IGF2BP2: variants seen among roughly 807,000 people sequenced by gnomAD.
The protein encoded by IGF2BP2 is insulin like growth factor 2 mRNA binding protein 2, also known as insulin-like growth factor 2 mRNA-binding protein 2.
A neutral mutation model predicts 75.8 loss-of-function variants in IGF2BP2; 17 were observed. The ratio of observed to expected loss-of-function variants is 0.22; its 90% CI spans 0.15 to 0.34. The LOEUF is 0.34. Ranked by LOEUF, IGF2BP2 falls within the 10% of genes least tolerant of loss-of-function variation. The pLI, the probability that IGF2BP2 is intolerant of heterozygous loss-of-function variation, is 1.00. For synonymous variants in IGF2BP2, 288 were observed against 295.6 expected, an observed-to-expected ratio of 0.97 and a Z score of 0.26; for missense variants, 516 against 772.4, an observed-to-expected ratio of 0.67 and a Z score of 3.93.
At chr3:185,672,499 T>C (rs1718668622) in intron 10 of IGF2BP2, 42 bp downstream of exon 10, 1 of 1,586,010 alleles carries the variant, frequency 6.3e-7, no homozygotes, top group East Asian at 2.3e-5. Context: ...TGCCTGGAGG[T>C]GCCCAGCGCA....
At chr3:185,811,614 T>C (rs1289244512) in intron 2 of IGF2BP2, among the ~76,000 whole-genome samples, 2 of 152,200 alleles carry the variant, frequency 1.3e-5, no homozygotes, top group African/African-American at 4.8e-5. Flanking sequence ...ATGGCAGCAG[T>C]TGGCTGGAGC....
intron 2 of IGF2BP2, among the ~76,000 whole-genome samples, chr3:185,795,224 T>G (rs1737203729): frequency 6.6e-6 from 1 of 152,192 alleles, no homozygotes; most frequent in Non-Finnish European, 1.5e-5. Flanking sequence ...AGTGGGATCA[T>G]ATAGTGCTTA....
intron 2 of IGF2BP2, among the ~76,000 whole-genome samples, chr3:185,796,105 G>T (rs1156342270): frequency 6.6e-6 from 1 of 152,186 alleles, no homozygotes; most frequent in East Asian, 1.9e-4. Flanking sequence ...GGGGAGAGTG[G>T]AATAGATAAT....
intron 2 of IGF2BP2, among the ~76,000 whole-genome samples, chr3:185,766,034 A>C (rs1732996318): frequency 6.6e-6 from 1 of 152,192 alleles, no homozygotes; most frequent in African/African-American, 2.4e-5. Context: ...TTCCAAAACC[A>C]AAGGCACACA....
chr3:185,672,006 A>C (rs1262542920), intron 10 of IGF2BP2, among the ~76,000 whole-genome samples: 2 of 152,246 alleles, frequency 1.3e-5, no homozygotes, highest in African/African-American at 4.8e-5. Context: ...GTTGTGAACA[A>C]ATACTTATTG....
chr3:185,760,051 A>C (rs959470767), intron 2 of IGF2BP2, among the ~76,000 whole-genome samples: 1 of 152,226 alleles, frequency 6.6e-6, no homozygotes, highest in South Asian at 2.1e-4. Flanking sequence ...AAATCACAAT[A>C]CCATTACCAA....
chr3:185,739,840 TCCCTCCCCCCCACCCC>T (rs1386659652), intron 2 of IGF2BP2, among the ~76,000 whole-genome samples: 15 of 101,098 alleles, frequency 1.5e-4, no homozygotes, highest in South Asian at 3.9e-4. Context: ...GTCCTTTTTT[TCCCTCCCCCCCACCCC>T]CCCTACCCCC....
intron 2 of IGF2BP2, among the ~76,000 whole-genome samples, chr3:185,720,038 C>T (rs1262453071): frequency 6.6e-6 from 1 of 152,130 alleles, no homozygotes; most frequent in Non-Finnish European, 1.5e-5. Flanking sequence ...AAAGTGAAAT[C>T]CCCCGGAAAG....
intron 2 of IGF2BP2, among the ~76,000 whole-genome samples, chr3:185,751,046 G>A (rs549437220): frequency 7.3e-5 from 11 of 151,654 alleles, no homozygotes; most frequent in Admixed American, 2.0e-4. Context: ...GTGAAACCTC[G>A]TCTCTATTAA....
chr3:185,788,118 A>G (rs1018806975), intron 2 of IGF2BP2, among the ~76,000 whole-genome samples: 5 of 152,200 alleles, frequency 3.3e-5, no homozygotes, highest in African/African-American at 1.2e-4. Context: ...AAATGTGAAA[A>G]AAGTGTTTAC....
At position 185,712,283 on chromosome 3, in the gene IGF2BP2, T is replaced by C. The variant is rs115060007; in HGVS notation, c.240-13936A>G. On this transcript the variant is annotated intron_variant, in intron 2 of 15. Transcript: ENST00000382199. Reference sequence around the variant, plus strand: ...AAAATTTGCAATAATCAATCATAAATACTTATGAAAATGCAAACATTTTTA... The same window carrying C: ...AAAATTTGCAATAATCAATCATAAACACTTATGAAAATGCAAACATTTTTA... 9.8e-3 allele frequency among the ~76,000 whole-genome samples: 1,487 copies of C among 152,280 alleles called. 10 individuals are homozygous for C. Among genetic ancestry groups the C allele is most frequent in the Middle Eastern group, 0.02 (6 of 294 alleles).
intron 2 of IGF2BP2, among the ~76,000 whole-genome samples, chr3:185,699,536 C>T (rs1723017768): frequency 6.6e-6 from 1 of 152,198 alleles, no homozygotes; most frequent in Non-Finnish European, 1.5e-5. Flanking sequence ...TCTCACCACC[C>T]CCTCTTTCAC....
At chr3:185,673,350 G>A (rs1208808739) in intron 9 of IGF2BP2, among the ~76,000 whole-genome samples, 1 of 152,202 alleles carries the variant, frequency 6.6e-6, no homozygotes, top group Non-Finnish European at 1.5e-5. Flanking sequence ...AAAACAAATT[G>A]GATTAACAGT....
chr3:185,790,254 C>T (rs1327144904), intron 2 of IGF2BP2, among the ~76,000 whole-genome samples: 1 of 148,132 alleles, frequency 6.8e-6, no homozygotes, highest in Non-Finnish European at 1.5e-5. Context: ...ACATAAAGTA[C>T]TGTTTAATCA....
intron 2 of IGF2BP2, chr3:185,724,831 G>C (rs535628261): frequency 9.8e-4 from 150 of 152,308 alleles, no homozygotes; most frequent in African/African-American, 3.5e-3. Context: ...TCCTCCCATT[G>C]AAAGACGGAA....
chr3:185,651,522 T>C (rs985400413), intron 13 of IGF2BP2, among the ~76,000 whole-genome samples: 1 of 152,214 alleles, frequency 6.6e-6, no homozygotes, highest in Non-Finnish European at 1.5e-5. Context: ...GCTGAGGCTA[T>C]TGCTTTTGAG....
intron 2 of IGF2BP2, among the ~76,000 whole-genome samples, chr3:185,793,989 T>G (rs1014794173): frequency 1.3e-5 from 2 of 149,014 alleles, no homozygotes; most frequent in Non-Finnish European, 3.0e-5. Flanking sequence ...GACGGAGTCT[T>G]GCTCTGTCGC....
At chr3:185,797,727 ACTCT>A (rs1454563404) in intron 2 of IGF2BP2, among the ~76,000 whole-genome samples, 1 of 151,242 alleles carries the variant, frequency 6.6e-6, no homozygotes, top group African/African-American at 2.4e-5. Flanking sequence ...ACATGGCAAA[ACTCT>A]CTCTCTACAA....
At chr3:185,752,418 A>G (rs1731082187) in intron 2 of IGF2BP2, among the ~76,000 whole-genome samples, 3 of 152,196 alleles carry the variant, frequency 2.0e-5, no homozygotes, top group Admixed American at 2.0e-4. Flanking sequence ...TCACACTGTA[A>G]TATTAGGTAG....
Sources: allele counts gnomAD v4.1 joint callset (sites outside exome capture counted in the v4.1 genomes callset), GRCh38; gene constraint gnomAD v4.1.1; transcripts MANE v1.5; gene names NCBI Gene and HGNC (gene_info 2026-07-23, HGNC 2026-07-21).